The following DSCAM variants were observed in gnomAD, a reference collection of about 807,000 sequenced individuals.
DSCAM encodes the protein cell adhesion molecule DSCAM.
DSCAM carries 47 observed loss-of-function variants against 217.7 expected under a neutral mutation model. That is an observed-to-expected ratio of 0.22 (90% CI 0.17 to 0.28). DSCAM has a LOEUF of 0.28. DSCAM is among the 10% of genes least tolerant of loss of function. The pLI is 1.00. For synonymous variants in DSCAM, 1,056 were observed against 1,015.3 expected (o/e 1.04, Z -0.76); for missense variants, 2,080 against 2,618.3 (o/e 0.79, Z 4.49).
At chr21:40,643,721 C>T (rs989743535) in intron 3 of DSCAM, among the ~76,000 whole-genome samples, 1 of 152,152 alleles carries the variant, frequency 6.6e-6, no homozygotes, top group Non-Finnish European at 1.5e-5. Context: ...AATCCAATGA[C>T]TGGTGTCCTC....
intron 1 of DSCAM, among the ~76,000 whole-genome samples, chr21:40,826,898 G>C (rs2123621479): frequency 6.6e-6 from 1 of 152,242 alleles, no homozygotes; most frequent in African/African-American, 2.4e-5. Context: ...ATCATGGATA[G>C]AGATACGAAT....
At chr21:40,587,618 A>G (rs748882882) in intron 3 of DSCAM, among the ~76,000 whole-genome samples, 1 of 152,216 alleles carries the variant, frequency 6.6e-6, no homozygotes, top group Non-Finnish European at 1.5e-5. Flanking sequence ...AATTTTATGA[A>G]AAGTATAATC....
chr21:40,688,956 G>A (rs750766649), intron 3 of DSCAM, among the ~76,000 whole-genome samples: 52 of 152,194 alleles, frequency 3.4e-4, no homozygotes, highest in South Asian at 1.9e-3. Flanking sequence ...TGATTCCTGC[G>A]TCTACCTTCA....
intron 2 of DSCAM, 103 bp from the exon 3 acceptor site, chr21:40,693,059 C>T (rs987254021): frequency 7.0e-6 from 9 of 1,283,510 alleles, no homozygotes; most frequent in South Asian, 3.9e-5. Flanking sequence ...ACATCAATTG[C>T]ATAACATATC....
At chr21:40,715,176 CG>C (rs1270890359) in intron 1 of DSCAM, among the ~76,000 whole-genome samples, 3 of 152,224 alleles carry the variant, frequency 2.0e-5, no homozygotes, top group African/African-American at 2.4e-5. Context: ...CAACAATTCA[CG>C]AAAGTTTCAC....
rs541487869 is a variant in DSCAM at position 40,138,808 on chromosome 21, G to A, written c.3406+3750C>T. 3.4e-5 allele frequency among the ~76,000 whole-genome samples: 5 copies of A among 146,414 alleles called. No individual in the cohort carries two copies. The South Asian group carries it at 6.8e-4, about 20-fold the overall frequency. On this transcript the variant is annotated intron_variant, in intron 18 of 32. Coordinates refer to ENST00000400454, the MANE Select transcript of DSCAM (RefSeq NM_001389.5). ...GGTATGTGTATGTGTGGTATGTGTG[G>A]TGTGTGTACGTGTGGTGTGGTGTGT... is the stretch of plus-strand genomic sequence containing the variant.
intron 3 of DSCAM, among the ~76,000 whole-genome samples, chr21:40,415,167 G>A (rs1306415953): frequency 3.3e-5 from 5 of 152,204 alleles, no homozygotes; most frequent in South Asian, 2.1e-4. Context: ...ATCATCAAAC[G>A]AGCCTGATTT....
intron 3 of DSCAM, among the ~76,000 whole-genome samples, chr21:40,530,747 C>T (rs1601719649): frequency 1.3e-5 from 2 of 152,292 alleles, no homozygotes; most frequent in South Asian, 2.1e-4. Context: ...CCTAGAGCCA[C>T]AGTTTCCACC....
intron 1 of DSCAM, among the ~76,000 whole-genome samples, chr21:40,770,517 G>T (rs1033782366): frequency 6.6e-6 from 1 of 152,188 alleles, no homozygotes; most frequent in Admixed American, 6.5e-5. Context: ...CATGGAAAAA[G>T]AATGCAATAT....
chr21:40,033,343 C>T (rs990584680), intron 32 of DSCAM, among the ~76,000 whole-genome samples: 4 of 152,198 alleles, frequency 2.6e-5, no homozygotes, highest in Non-Finnish European at 2.9e-5. Context: ...CGAAGCAGGG[C>T]GAGGCATTGC....
intron 2 of DSCAM, among the ~76,000 whole-genome samples, chr21:40,700,051 C>T (rs2146464850): frequency 6.6e-6 from 1 of 152,302 alleles, no homozygotes; most frequent in East Asian, 1.9e-4. Flanking sequence ...GTTAATGCAG[C>T]TGATGACTAA....
intron 2 of DSCAM, among the ~76,000 whole-genome samples, chr21:40,705,250 T>C (rs368189496): frequency 6.6e-6 from 1 of 152,246 alleles, no homozygotes; most frequent in East Asian, 1.9e-4. Context: ...ATAAAGTTGC[T>C]ATACAAATTT....
intron 10 of DSCAM, among the ~76,000 whole-genome samples, chr21:40,286,377 C>A (rs934740146): frequency 6.6e-6 from 1 of 152,064 alleles, no homozygotes; most frequent in Admixed American, 6.5e-5. Flanking sequence ...ATGCCTTGGA[C>A]ACTGAACCTG....
At chr21:40,655,387 T>C (rs2146367798) in intron 3 of DSCAM, among the ~76,000 whole-genome samples, 1 of 151,970 alleles carries the variant, frequency 6.6e-6, no homozygotes, top group East Asian at 1.9e-4. Context: ...ACCCTATAGC[T>C]GCACCTTTAC....
chr21:40,592,094 C>T (rs2146244868), intron 3 of DSCAM, among the ~76,000 whole-genome samples: 1 of 152,182 alleles, frequency 6.6e-6, no homozygotes, highest in Admixed American at 6.5e-5. Flanking sequence ...AGAAGGTGGT[C>T]TACAACATCC....
At chr21:40,737,638 C>A (rs919958413) in intron 1 of DSCAM, among the ~76,000 whole-genome samples, 2 of 152,328 alleles carry the variant, frequency 1.3e-5, no homozygotes, top group African/African-American at 4.8e-5. Context: ...AAAACTCCAT[C>A]TCAAAAACAC....
At chr21:40,749,538 A>G (rs569617172) in intron 1 of DSCAM, among the ~76,000 whole-genome samples, 90 of 152,326 alleles carry the variant, frequency 5.9e-4, no homozygotes, top group African/African-American at 2.1e-3. Context: ...CCTTCACCTT[A>G]GAATGGTTAT....
At chr21:40,403,690 C>G (rs767786358) in intron 3 of DSCAM, among the ~76,000 whole-genome samples, 76 of 150,712 alleles carry the variant, frequency 5.0e-4, no homozygotes, top group Non-Finnish European at 8.7e-4. Context: ...CTCTGTAGAG[C>G]CATAAATTTC....
At chr21:40,587,113 G>A (rs1023741158) in intron 3 of DSCAM, among the ~76,000 whole-genome samples, 4 of 151,914 alleles carry the variant, frequency 2.6e-5, no homozygotes, top group Non-Finnish European at 5.9e-5. Context: ...CTTTGGGAGC[G>A]AATTAATACG....
Sources: allele counts gnomAD v4.1 joint callset (sites outside exome capture counted in the v4.1 genomes callset), GRCh38; gene constraint gnomAD v4.1.1; transcripts MANE v1.5; gene names NCBI Gene and HGNC (gene_info 2026-07-23, HGNC 2026-07-21).